PCDH15: variants seen among roughly 807,000 people sequenced by gnomAD.
PCDH15 encodes the protein protocadherin related 15.
PCDH15 carries 129 observed loss-of-function variants against 178.5 expected under a neutral mutation model. The ratio of observed to expected loss-of-function variants is 0.72; its 90% CI spans 0.63 to 0.84. The LOEUF is 0.84. Among genes scored for constraint, PCDH15 ranks in the 40% least tolerant of loss-of-function variants. PCDH15 has a pLI of 0.00. For synonymous variants in PCDH15, 800 were observed against 732.0 expected (o/e 1.09, Z -1.50); for missense variants, 2,230 against 2,099.9 (o/e 1.06, Z -1.21).
chr10:54,880,754 T>A (rs963136183), intron 3 of PCDH15, among the ~76,000 whole-genome samples: 1 of 149,106 alleles, frequency 6.7e-6, no homozygotes, highest in African/African-American at 2.5e-5. Context: ...CATTTCCACA[T>A]AAGGAATGAG....
intron 2 of PCDH15, among the ~76,000 whole-genome samples, chr10:55,515,244 G>A (rs570581792): frequency 6.6e-6 from 1 of 151,918 alleles, no homozygotes; most frequent in South Asian, 2.1e-4. Flanking sequence ...CTTCCAAAGT[G>A]CTAGGATTAC....
intron 26 of PCDH15, among the ~76,000 whole-genome samples, chr10:53,890,312 A>C (rs1189314266): frequency 6.6e-6 from 1 of 152,168 alleles, no homozygotes; most frequent in Non-Finnish European, 1.5e-5. Context: ...CTGTAGTCCC[A>C]GCTACTCGGG....
intron 3 of PCDH15, among the ~76,000 whole-genome samples, chr10:54,435,286 T>C (rs1303292526): frequency 6.6e-6 from 1 of 152,166 alleles, no homozygotes; most frequent in Non-Finnish European, 1.5e-5. Flanking sequence ...CAGCCTGGAA[T>C]TTTCTCTCTC....
chr10:53,904,565 C>A (rs923445759), intron 25 of PCDH15, among the ~76,000 whole-genome samples: 1 of 149,834 alleles, frequency 6.7e-6, no homozygotes, highest in Non-Finnish European at 1.5e-5. Context: ...TTCAGCTTTT[C>A]TCTGTTTGTC....
intron 2 of PCDH15, among the ~76,000 whole-genome samples, chr10:54,935,781 C>G (rs1469015441): frequency 6.6e-6 from 1 of 152,016 alleles, no homozygotes; most frequent in African/African-American, 2.4e-5. Flanking sequence ...TATTTCATTT[C>G]ACTGGAATTT....
chr10:54,016,192 G>A lies in PCDH15; in HGVS notation c.2751+4000C>T, dbSNP rs374806119. On this transcript the variant is annotated intron_variant, in intron 20 of 37. Transcript: ENST00000644397. Reference sequence around the variant, plus strand: ...ATGCTCATCATCACTAATCATGAGAGCAATGCAAATCAAAACCACAATGAG... The same window carrying A: ...ATGCTCATCATCACTAATCATGAGAACAATGCAAATCAAAACCACAATGAG... Among the ~76,000 whole-genome samples, 4 of 151,824 alleles carry A rather than the reference G, an allele frequency of 2.6e-5. No homozygotes were observed. The East Asian group carries it at 5.8e-4, about 22-fold the overall frequency.
intron 2 of PCDH15, among the ~76,000 whole-genome samples, chr10:55,326,354 C>T (rs1161892764): frequency 6.6e-6 from 1 of 151,966 alleles, no homozygotes; most frequent in African/African-American, 2.4e-5. Flanking sequence ...CAACAGTAGA[C>T]TAATAAAGAA....
At chr10:55,129,322 AATT>A (rs1837983399) in intron 2 of PCDH15, among the ~76,000 whole-genome samples, 1 of 152,110 alleles carries the variant, frequency 6.6e-6, no homozygotes, top group Non-Finnish European at 1.5e-5. Context: ...TTTAAACTAA[AATT>A]AGGTCACAAA....
At chr10:54,269,780 T>C (rs1339992397) in intron 8 of PCDH15, among the ~76,000 whole-genome samples, 3 of 152,012 alleles carry the variant, frequency 2.0e-5, no homozygotes, top group African/African-American at 7.2e-5. Context: ...TACCCATAAA[T>C]GCTGGATTTC....
intron 2 of PCDH15, among the ~76,000 whole-genome samples, chr10:55,377,699 T>G (rs1362179769): frequency 2.0e-5 from 3 of 152,148 alleles, no homozygotes; most frequent in Admixed American, 2.0e-4. Context: ...ACTATATATA[T>G]TCTTTTATGC....
chr10:55,511,035 T>TTTG (rs1565209496), intron 2 of PCDH15, among the ~76,000 whole-genome samples: 2 of 141,054 alleles, frequency 1.4e-5, no homozygotes, highest in African/African-American at 6.2e-5. Flanking sequence ...AATTTGTTTT[T>TTTG]TTTGTTTGTT....
intron 3 of PCDH15, among the ~76,000 whole-genome samples, chr10:54,451,712 C>CA (rs2076491676): frequency 6.6e-6 from 1 of 151,816 alleles, no homozygotes. Flanking sequence ...TTTTATGACA[C>CA]AAATATATTA....
At chr10:53,902,453 C>T (rs955589628) in intron 26 of PCDH15, among the ~76,000 whole-genome samples, 3 of 152,086 alleles carry the variant, frequency 2.0e-5, no homozygotes, top group Non-Finnish European at 4.4e-5. Flanking sequence ...GTGCAATTTA[C>T]AGCTATTTAC....
At chr10:55,418,748 G>A (rs1565118846) in intron 2 of PCDH15, among the ~76,000 whole-genome samples, 1 of 151,716 alleles carries the variant, frequency 6.6e-6, no homozygotes, top group East Asian at 1.9e-4. Context: ...AGAAATGAAA[G>A]TCATAATAAA....
At chr10:55,055,142 T>C (rs1263295892) in intron 2 of PCDH15, among the ~76,000 whole-genome samples, 1 of 152,192 alleles carries the variant, frequency 6.6e-6, no homozygotes, top group African/African-American at 2.4e-5. Context: ...GTTTTATAGG[T>C]TTGGGTTTTA....
intron 13 of PCDH15, among the ~76,000 whole-genome samples, chr10:54,160,865 G>T (rs1466749487): frequency 6.6e-6 from 1 of 152,160 alleles, no homozygotes; most frequent in Non-Finnish European, 1.5e-5. Context: ...ATAAGCATCT[G>T]TATAATGGCT....
chr10:55,523,104 T>C (rs2132167316), intron 2 of PCDH15, among the ~76,000 whole-genome samples: 1 of 151,750 alleles, frequency 6.6e-6, no homozygotes, highest in East Asian at 1.9e-4. Context: ...TAATCTTTTT[T>C]GGGTTGATCC....
At chr10:54,142,886 T>C (rs952474145) in intron 14 of PCDH15, among the ~76,000 whole-genome samples, 3 of 152,050 alleles carry the variant, frequency 2.0e-5, no homozygotes, top group Admixed American at 6.6e-5. Flanking sequence ...AGAAACAGAG[T>C]CTCCTCTCTA....
intron 1 of PCDH15, among the ~76,000 whole-genome samples, chr10:54,690,867 A>C (rs10825374): frequency 6.6e-6 from 1 of 151,980 alleles, no homozygotes; most frequent in African/African-American, 2.4e-5. Flanking sequence ...GAAGATGACC[A>C]TCATTGAAGG....
Sources: allele counts gnomAD v4.1 joint callset (sites outside exome capture counted in the v4.1 genomes callset), GRCh38; gene constraint gnomAD v4.1.1; transcripts MANE v1.5; gene names NCBI Gene and HGNC (gene_info 2026-07-23, HGNC 2026-07-21).